HLCS: variants seen among roughly 807,000 people sequenced by gnomAD.
The protein encoded by HLCS is holocarboxylase synthetase, also known as biotin--protein ligase.
Under a neutral mutation model 75.0 loss-of-function variants are expected in HLCS, and 53 were observed. The ratio of observed to expected loss-of-function variants is 0.71; its 90% CI spans 0.57 to 0.89. The LOEUF (loss-of-function observed/expected upper bound fraction) is 0.89, where lower values mean the gene tolerates loss of function less well. HLCS is among the 40% of genes least tolerant of loss of function. The probability of loss-of-function intolerance (pLI) is 0.00; values close to 1 mark genes in which losing one functional copy is unlikely to be tolerated. For synonymous variants in HLCS, 431 were observed against 428.6 expected (o/e 1.01, Z -0.07); for missense variants, 966 against 1,074.0 (o/e 0.90, Z 1.41).
At chr21:36,933,347 C>T (rs989307109) in intron 4 of HLCS, among the ~76,000 whole-genome samples, 1 of 151,662 alleles carries the variant, frequency 6.6e-6, no homozygotes, top group Non-Finnish European at 1.5e-5. Flanking sequence ...GTCAGGAGTT[C>T]GAAACCAGCC....
Position 36,894,607 on chromosome 21 carries a change from C to T in HLCS, c.1892+2253G>A, listed in dbSNP as rs370524198. On this transcript the variant is annotated intron_variant, in intron 6 of 10. Coordinates refer to ENST00000674895, the MANE Select transcript of HLCS (RefSeq NM_001352514.2). ...TGCAGGGCATCTGGTAAGCTAAGGC[C>T]GCCAACAACCATTCATCCAGTATCA... Among the ~76,000 whole-genome samples, 10 of 152,082 alleles carry T rather than the reference C, an allele frequency of 6.6e-5. No individual in the cohort carries two copies. In the South Asian group the frequency reaches 8.3e-4, roughly 13 times the overall value.
chr21:36,828,274 C>A (rs1183102797), intron 6 of HLCS, among the ~76,000 whole-genome samples: 1 of 152,042 alleles, frequency 6.6e-6, no homozygotes, highest in Non-Finnish European at 1.5e-5. Flanking sequence ...GGGAGCTGAG[C>A]TTTGCTAATA....
intron 1 of HLCS, among the ~76,000 whole-genome samples, chr21:36,982,841 C>T (rs2069149235): frequency 6.6e-6 from 1 of 152,060 alleles, no homozygotes; most frequent in African/African-American, 2.4e-5. Context: ...CCAGCCTGGC[C>T]AAGATGGTGA....
intron 1 of HLCS, among the ~76,000 whole-genome samples, chr21:36,984,232 G>GT (rs397744934): frequency 2.0e-5 from 3 of 150,616 alleles, no homozygotes; most frequent in Non-Finnish European, 4.4e-5. Context: ...ATCCACAAGG[G>GT]TATGTTCCAA....
intron 5 of HLCS, among the ~76,000 whole-genome samples, chr21:36,911,022 C>T (rs950280898): frequency 6.6e-6 from 1 of 152,216 alleles, no homozygotes; most frequent in South Asian, 2.1e-4. Flanking sequence ...GGGACACCCT[C>T]GGGCCAAAAT....
intron 4 of HLCS, among the ~76,000 whole-genome samples, chr21:36,931,186 G>A (rs2066620498): frequency 6.7e-6 from 1 of 150,278 alleles, no homozygotes; most frequent in Non-Finnish European, 1.5e-5. Flanking sequence ...GGGAAGTTGA[G>A]GCAGGAGAAT....
At chr21:36,966,825 G>GT (rs951825100), upstream of HLCS, among the ~76,000 whole-genome samples, 1 of 147,190 alleles carries the variant, frequency 6.8e-6, no homozygotes, top group Non-Finnish European at 1.5e-5. Context: ...AGGGGCGGGG[G>GT]GGGGTGAGGC....
chr21:36,780,975 G>C (rs1292181438), intron 6 of HLCS, among the ~76,000 whole-genome samples: 1 of 125,228 alleles, frequency 8.0e-6, no homozygotes, highest in Non-Finnish European at 1.6e-5. Flanking sequence ...GTGAGAAGCA[G>C]GCAGGCAGGT....
At chr21:36,818,240 C>T (rs145773608) in intron 6 of HLCS, among the ~76,000 whole-genome samples, 102 of 152,340 alleles carry the variant, frequency 6.7e-4, no homozygotes, top group African/African-American at 2.4e-3. Flanking sequence ...TAGCACATTG[C>T]CTACTTCTGT....
intron 6 of HLCS, among the ~76,000 whole-genome samples, chr21:36,783,532 A>C (rs901133035): frequency 2.0e-5 from 3 of 152,162 alleles, no homozygotes; most frequent in African/African-American, 4.8e-5. Context: ...GAGAGATTTC[A>C]TTTTCTAGAG....
intron 5 of HLCS, among the ~76,000 whole-genome samples, chr21:36,916,446 G>T (rs1005935277): frequency 6.6e-5 from 10 of 151,812 alleles, no homozygotes; most frequent in African/African-American, 2.4e-4. Context: ...TCAACTCCCG[G>T]GCTCAAGAGA....
chr21:36,756,797 G>A (rs1568961969), intron 9 of HLCS, 42 bp from the exon 10 acceptor site: 2 of 1,612,834 alleles, frequency 1.2e-6, no homozygotes, highest in Non-Finnish European at 1.7e-6. Flanking sequence ...CCTGTTGATG[G>A]CATCACACAT....
chr21:36,966,106 G>C (rs1601910179), intron 1 of HLCS, among the ~76,000 whole-genome samples: 1 of 152,188 alleles, frequency 6.6e-6, no homozygotes, highest in African/African-American at 2.4e-5. Context: ...ACGCCGGCTC[G>C]AAGTGTGGGA....
At chr21:36,893,483 A>G (rs916921255) in intron 6 of HLCS, among the ~76,000 whole-genome samples, 1 of 152,220 alleles carries the variant, frequency 6.6e-6, no homozygotes, top group Admixed American at 6.5e-5. Context: ...ACACTGTTCC[A>G]GTAACAACTC....
chr21:36,762,546 T>C (rs2089887714), intron 8 of HLCS, among the ~76,000 whole-genome samples: 1 of 152,070 alleles, frequency 6.6e-6, no homozygotes, highest in Admixed American at 6.6e-5. Context: ...TAGGGACCAG[T>C]TGGGGTCCTA....
At chr21:36,821,351 A>C (rs1042175682) in intron 6 of HLCS, among the ~76,000 whole-genome samples, 1 of 152,158 alleles carries the variant, frequency 6.6e-6, no homozygotes, top group African/African-American at 2.4e-5. Context: ...AGAAAAAACA[A>C]GCATCTTTCA....
intron 6 of HLCS, among the ~76,000 whole-genome samples, chr21:36,875,593 A>C (rs190131527): frequency 6.9e-4 from 105 of 152,308 alleles, no homozygotes; most frequent in African/African-American, 2.2e-3. Context: ...CTGTCCACTA[A>C]GAGCTGGACA....
chr21:36,826,641 T>C (rs1366236565), intron 6 of HLCS, among the ~76,000 whole-genome samples: 1 of 152,218 alleles, frequency 6.6e-6, no homozygotes, highest in Admixed American at 6.5e-5. Context: ...AGTAACATTC[T>C]ACTGTACCAC....
intron 5 of HLCS, among the ~76,000 whole-genome samples, chr21:36,912,686 G>T (rs908233912): frequency 6.6e-6 from 1 of 152,076 alleles, no homozygotes; most frequent in Non-Finnish European, 1.5e-5. Context: ...AGAGAGAAAG[G>T]GAGAGAGAGA....
Sources: allele counts gnomAD v4.1 joint callset (sites outside exome capture counted in the v4.1 genomes callset), GRCh38; gene constraint gnomAD v4.1.1; transcripts MANE v1.5; gene names NCBI Gene and HGNC (gene_info 2026-07-23, HGNC 2026-07-21).